The following VAV3 variants were observed in gnomAD, a reference collection of about 807,000 sequenced individuals.
The protein encoded by VAV3 is vav guanine nucleotide exchange factor 3.
In VAV3, 94 loss-of-function variants were observed where a neutral mutation model predicts 131.2. The observed-to-expected ratio is 0.72, with a 90% CI of 0.61 to 0.85. The LOEUF is 0.85. Among genes scored for constraint, VAV3 ranks in the 40% least tolerant of loss-of-function variants. The probability of loss-of-function intolerance (pLI) is 0.00; values close to 1 mark genes in which losing one functional copy is unlikely to be tolerated. For synonymous variants in VAV3, 349 were observed against 342.0 expected (o/e 1.02, Z -0.22); for missense variants, 939 against 1,002.7 (o/e 0.94, Z 0.86).
intron 2 of VAV3, chr1:107,785,724 A>G (rs745333545): frequency 6.2e-5 from 60 of 960,584 alleles, no homozygotes; most frequent in Non-Finnish European, 7.4e-5. Context: ...AGAAATTCAG[A>G]CAGAAGCATA....
In VAV3 at chr1:107,765,158, T is replaced by C; in HGVS notation, c.839A>G (p.Gln280Arg). 1 of 1,612,888 alleles carries C rather than the reference T, an allele frequency of 6.2e-7. No homozygotes were observed. The highest frequency in any genetic ancestry group is 8.5e-7 in the Non-Finnish European group (1 of 1,179,292). The change falls in exon 9 of 27, where the codon CAG (glutamine) becomes CGG (arginine). Residue 280 changes from glutamine to arginine, a missense_variant. Transcript: ENST00000370056. ...NYKERLVIYGQYCSGVESAIS... is the reference protein window; with the variant it reads ...NYKERLVIYGRYCSGVESAIS... ...GGCTGACTCCACTCCACTGCAGTACTGCCCGTAAATAACCAATCTGAAAGG... is the reference window on the plus strand; with the variant it reads ...GGCTGACTCCACTCCACTGCAGTACCGCCCGTAAATAACCAATCTGAAAGG...
intron 19 of VAV3, among the ~76,000 whole-genome samples, chr1:107,650,465 C>A (rs1185685118): frequency 6.6e-6 from 1 of 151,700 alleles, no homozygotes; most frequent in Non-Finnish European, 1.5e-5. Context: ...TTTATGTACC[C>A]CCAAATACAT....
intron 17 of VAV3, among the ~76,000 whole-genome samples, chr1:107,696,014 TTTTTA>T (rs939709554): frequency 1.2e-4 from 18 of 152,126 alleles, no homozygotes; most frequent in African/African-American, 4.3e-4. Context: ...CCTCTTAAAT[TTTTTA>T]TTTTATTATC....
At chr1:107,732,728 G>A (rs1397480235) in intron 15 of VAV3, among the ~76,000 whole-genome samples, 1 of 152,144 alleles carries the variant, frequency 6.6e-6, no homozygotes, top group Non-Finnish European at 1.5e-5. Flanking sequence ...CCTGGGTGGA[G>A]CCCACCTCAG....
chr1:107,872,834 T>C (rs1670313670), intron 2 of VAV3, among the ~76,000 whole-genome samples: 1 of 152,164 alleles, frequency 6.6e-6, no homozygotes, highest in Non-Finnish European at 1.5e-5. Flanking sequence ...CTCTTAACGT[T>C]GTTACAATTT....
At chr1:107,894,013 G>C (rs560652332) in intron 1 of VAV3, among the ~76,000 whole-genome samples, 16 of 152,248 alleles carry the variant, frequency 1.1e-4, no homozygotes, top group Admixed American at 5.2e-4. Flanking sequence ...GGCATGTGAA[G>C]GTAAGTAGCA....
chr1:107,789,412 T>G (rs1261324378), intron 2 of VAV3, among the ~76,000 whole-genome samples: 1 of 152,202 alleles, frequency 6.6e-6, no homozygotes, highest in Non-Finnish European at 1.5e-5. Flanking sequence ...ATGCTCCATC[T>G]TTTGTCCCAG....
At chr1:107,687,293 A>C (rs1659098766) in intron 18 of VAV3, among the ~76,000 whole-genome samples, 1 of 152,142 alleles carries the variant, frequency 6.6e-6, no homozygotes, top group Non-Finnish European at 1.5e-5. Context: ...CTATATGTTC[A>C]AATTATGTAC....
intron 2 of VAV3, among the ~76,000 whole-genome samples, chr1:107,825,854 A>G (rs1234531174): frequency 2.6e-5 from 4 of 152,170 alleles, no homozygotes; most frequent in Non-Finnish European, 5.9e-5. Context: ...TATGTCTGAC[A>G]CTGTCAAGAC....
At chr1:107,643,798 T>C (rs1655527201) in intron 19 of VAV3, among the ~76,000 whole-genome samples, 1 of 152,100 alleles carries the variant, frequency 6.6e-6, no homozygotes, top group Non-Finnish European at 1.5e-5. Context: ...CAAAATTCTT[T>C]TGAACAACAT....
At chr1:107,946,351 A>T (rs957805460) in intron 1 of VAV3, among the ~76,000 whole-genome samples, 2 of 152,216 alleles carry the variant, frequency 1.3e-5, no homozygotes, top group African/African-American at 4.8e-5. Flanking sequence ...GAGAGGGGTT[A>T]AGTAATCCGT....
intron 2 of VAV3, among the ~76,000 whole-genome samples, chr1:107,798,504 G>A (rs879820393): frequency 4.0e-5 from 6 of 151,878 alleles, no homozygotes; most frequent in Non-Finnish European, 7.4e-5. Context: ...GGATCATGAG[G>A]TCAGGAGATC....
chr1:107,620,388 GTT>G (rs1653478507), intron 20 of VAV3, among the ~76,000 whole-genome samples: 1 of 152,074 alleles, frequency 6.6e-6, no homozygotes, highest in African/African-American at 2.4e-5. Flanking sequence ...CTTTTTCTAT[GTT>G]TAGATACACA....
In VAV3 at chr1:107,700,104, T is replaced by C. The variant is rs557190094; in HGVS notation, c.1705+4446A>G. On this transcript the variant is annotated intron_variant, in intron 17 of 26. Coordinates refer to ENST00000370056, the MANE Select transcript of VAV3 (RefSeq NM_006113.5). ...GCATGCCAAAGCTGAGTTAAACAGC[T>C]AGGAAGACTCTAGAGATAAGAATCC... Among the ~76,000 whole-genome samples, 6 of 152,314 alleles carry C rather than the reference T, an allele frequency of 3.9e-5. No individual in the cohort carries two copies. In the South Asian group the frequency reaches 1.2e-3, roughly 32 times the overall value.
At chr1:107,850,719 A>T (rs1434902896) in intron 2 of VAV3, among the ~76,000 whole-genome samples, 5 of 151,916 alleles carry the variant, frequency 3.3e-5, no homozygotes, top group Non-Finnish European at 7.4e-5. Flanking sequence ...TTAAAGTATA[A>T]TTTTTTTAAA....
intron 2 of VAV3, among the ~76,000 whole-genome samples, chr1:107,843,365 A>AATATATATATAT (rs34150658): frequency 1.7e-4 from 24 of 139,968 alleles, no homozygotes; most frequent in East Asian, 4.1e-4. Flanking sequence ...GCACAACACA[A>AATATATATATAT]ATATATATAT....
intron 20 of VAV3, among the ~76,000 whole-genome samples, chr1:107,630,755 T>G (rs1654405887): frequency 6.6e-6 from 1 of 152,032 alleles, no homozygotes; most frequent in South Asian, 2.1e-4. Context: ...ATCAGCAAAT[T>G]AACATAAAAG....
At chr1:107,952,351 C>T (rs796334253) in intron 1 of VAV3, among the ~76,000 whole-genome samples, 19 of 151,670 alleles carry the variant, frequency 1.3e-4, no homozygotes, top group African/African-American at 4.1e-4. Context: ...AGAAAAATCA[C>T]TAATGGGTAC....
chr1:107,723,567 T>C (rs1306200164), intron 15 of VAV3, among the ~76,000 whole-genome samples: 1 of 108,412 alleles, frequency 9.2e-6, no homozygotes, highest in Non-Finnish European at 2.0e-5. Flanking sequence ...TGTTTCCAGC[T>C]TCTGAGTTGA....
Sources: gnomAD v4.1 joint callset for allele counts (sites outside exome capture counted in the v4.1 genomes callset) on GRCh38, gnomAD v4.1.1 for gene constraint, MANE v1.5 for transcripts, NCBI Gene and HGNC (gene_info 2026-07-23, HGNC 2026-07-21) for gene names.